Variants in GRIK2 observed in about 807,000 individuals in gnomAD.
GRIK2 encodes the protein glutamate receptor ionotropic, kainate 2.
Under a neutral mutation model 100.3 loss-of-function variants are expected in GRIK2, and 32 were observed. That is an observed-to-expected ratio of 0.32 (90% CI 0.24 to 0.43). The LOEUF is 0.43. Among genes scored for constraint, GRIK2 ranks in the 20% least tolerant of loss-of-function variants. The pLI is 1.00. For missense variants in GRIK2, 843 were observed against 1,114.9 expected (o/e 0.76, Z 3.47); for synonymous variants, 417 against 389.4 (o/e 1.07, Z -0.83).
intron 2 of GRIK2, among the ~76,000 whole-genome samples, chr6:101,423,958 T>C (rs1285957685): frequency 1.3e-5 from 2 of 152,132 alleles, no homozygotes; most frequent in African/African-American, 4.8e-5. Context: ...TTATATGGAA[T>C]GTAAGGTAGC....
At chr6:101,701,341 C>G (rs1162566726) in intron 7 of GRIK2, among the ~76,000 whole-genome samples, 2 of 151,994 alleles carry the variant, frequency 1.3e-5, no homozygotes, top group African/African-American at 2.4e-5. Context: ...GCCGGAACAG[C>G]CTGTGCCTTC....
At chr6:101,718,438 CA>C (rs1278469381) in intron 7 of GRIK2, among the ~76,000 whole-genome samples, 1 of 151,756 alleles carries the variant, frequency 6.6e-6, no homozygotes, top group Non-Finnish European at 1.5e-5. Flanking sequence ...AATTTGTATA[CA>C]AAAAATCTTT....
intron 7 of GRIK2, among the ~76,000 whole-genome samples, chr6:101,692,683 T>C (rs972702983): frequency 6.6e-6 from 1 of 152,060 alleles, no homozygotes; most frequent in Admixed American, 6.6e-5. Context: ...GACACACATA[T>C]ATTTACCAAG....
chr6:101,700,442 T>C (rs1772807204), intron 7 of GRIK2, among the ~76,000 whole-genome samples: 1 of 152,032 alleles, frequency 6.6e-6, no homozygotes, highest in South Asian at 2.1e-4. Context: ...AGGAAGAAGA[T>C]AATGGAAAGC....
chr6:101,891,086 A>G (rs1260284601), intron 12 of GRIK2, among the ~76,000 whole-genome samples: 1 of 151,640 alleles, frequency 6.6e-6, no homozygotes, highest in Non-Finnish European at 1.5e-5. Context: ...ATTTATCAGT[A>G]AGGGTATTTG....
intron 7 of GRIK2, among the ~76,000 whole-genome samples, chr6:101,791,683 G>A (rs932094367): frequency 1.7e-4 from 26 of 152,106 alleles, no homozygotes; most frequent in Admixed American, 5.2e-4. Flanking sequence ...TGTATATTCT[G>A]TTGATTTGGG....
At chr6:101,474,898 A>T (rs1294952627) in intron 2 of GRIK2, among the ~76,000 whole-genome samples, 1 of 152,002 alleles carries the variant, frequency 6.6e-6, no homozygotes, top group Admixed American at 6.6e-5. Flanking sequence ...ATACACTTGT[A>T]GTAAAATTTA....
intron 4 of GRIK2, among the ~76,000 whole-genome samples, chr6:101,654,890 C>T (rs1781985727): frequency 6.6e-6 from 1 of 152,142 alleles, no homozygotes; most frequent in Non-Finnish European, 1.5e-5. Flanking sequence ...TCAGCTCTTC[C>T]TTGTGTTAAC....
intron 2 of GRIK2, among the ~76,000 whole-genome samples, chr6:101,582,455 C>G (rs1376792838): frequency 6.6e-6 from 1 of 152,122 alleles, no homozygotes; most frequent in African/African-American, 2.4e-5. Flanking sequence ...CTCTCATTCT[C>G]TCTCCTGCTG....
chr6:101,901,225 G>A (rs1787827168), intron 12 of GRIK2, among the ~76,000 whole-genome samples: 1 of 151,732 alleles, frequency 6.6e-6, no homozygotes, highest in African/African-American at 2.4e-5. Context: ...TTATATGTGA[G>A]CCATTTTCCT....
chr6:101,856,694 G>A (rs957138459), intron 10 of GRIK2, among the ~76,000 whole-genome samples: 5 of 152,114 alleles, frequency 3.3e-5, no homozygotes, highest in East Asian at 3.9e-4. Flanking sequence ...CTGAATTGGG[G>A]GTCTTTATGT....
chr6:101,434,900 G>A lies in GRIK2; in HGVS notation c.115+35508G>A, dbSNP rs143166977. Among the ~76,000 whole-genome samples, 137 of 152,200 alleles carry A rather than the reference G, an allele frequency of 9.0e-4. 1 individual carries two copies. The East Asian group carries it at 0.024, about 26-fold the overall frequency. On this transcript the variant is annotated intron_variant, in intron 2 of 16. Transcript: ENST00000369134. The stretch of plus-strand genomic sequence containing the variant: ...TTGCTTATTTCTCTGCAGCTGCCCC[G>A]TGAGGACCCTGGGTACTTGGCAAAT...
chr6:101,445,430 C>T lies in GRIK2; in HGVS notation c.115+46038C>T, dbSNP rs371536008. 5.1e-4 allele frequency among the ~76,000 whole-genome samples: 78 copies of T among 152,188 alleles called. No homozygotes were observed. The East Asian group carries it at 6.2e-3, about 12-fold the overall frequency. ...ACTCCAACTTCCATAATGAACTTCTCATTTATCTCCTCCCCCGAGTCCTTC... is the reference window on the plus strand; with the variant it reads ...ACTCCAACTTCCATAATGAACTTCTTATTTATCTCCTCCCCCGAGTCCTTC... On this transcript the variant is annotated intron_variant, in intron 2 of 16. Coordinates refer to ENST00000369134, the MANE Select transcript of GRIK2 (RefSeq NM_021956.5).
At chr6:101,701,870 A>G (rs1772923199) in intron 7 of GRIK2, among the ~76,000 whole-genome samples, 1 of 152,064 alleles carries the variant, frequency 6.6e-6, no homozygotes, top group African/African-American at 2.4e-5. Flanking sequence ...AGCAAAGAAA[A>G]TGACAATTAT....
chr6:101,561,689 A>C (rs1171981085), intron 2 of GRIK2, among the ~76,000 whole-genome samples: 1 of 152,120 alleles, frequency 6.6e-6, no homozygotes, highest in African/African-American at 2.4e-5. Context: ...AATCTGCTGA[A>C]CTTGAGGACT....
intron 2 of GRIK2, among the ~76,000 whole-genome samples, chr6:101,514,140 G>T (rs971067898): frequency 1.3e-5 from 2 of 152,160 alleles, no homozygotes; most frequent in Non-Finnish European, 1.5e-5. Context: ...TTCAATTGGG[G>T]AAGGATAATC....
intron 16 of GRIK2, chr6:102,065,738 G>C: frequency 9.4e-7 from 1 of 1,059,966 alleles, no homozygotes. Flanking sequence ...ATGTCAACGG[G>C]ATCAAGTTTT....
intron 2 of GRIK2, among the ~76,000 whole-genome samples, chr6:101,592,693 T>C (rs564789768): frequency 4.7e-5 from 7 of 149,082 alleles, no homozygotes; most frequent in Non-Finnish European, 1.0e-4. Context: ...TTTGCAGAAT[T>C]GTTCAGCAAT....
intron 2 of GRIK2, among the ~76,000 whole-genome samples, chr6:101,617,108 G>A (rs1457640214): frequency 1.3e-5 from 2 of 151,418 alleles, no homozygotes; most frequent in African/African-American, 4.8e-5. Context: ...TTTACTGCTT[G>A]TGTTTTCAAA....
Sources: allele counts gnomAD v4.1 joint callset (sites outside exome capture counted in the v4.1 genomes callset), GRCh38; gene constraint gnomAD v4.1.1; transcripts MANE v1.5; gene names NCBI Gene and HGNC (gene_info 2026-07-23, HGNC 2026-07-21).